The following FAM135B variants were observed in gnomAD, a reference collection of about 807,000 sequenced individuals.
FAM135B encodes protein FAM135B.
FAM135B carries 43 observed loss-of-function variants against 127.7 expected under a neutral mutation model. The ratio of observed to expected loss-of-function variants is 0.34; its 90% CI spans 0.26 to 0.43. The LOEUF (loss-of-function observed/expected upper bound fraction) is 0.43. Ranked by LOEUF, FAM135B falls within the 20% of genes least tolerant of loss-of-function variation. FAM135B has a pLI of 1.00. For missense variants in FAM135B, 1,558 were observed against 1,725.6 expected, an observed-to-expected ratio of 0.90 and a Z score of 1.72; for synonymous variants, 670 against 665.1, an observed-to-expected ratio of 1.01 and a Z score of -0.11.
At chr8:138,145,904 C>T in intron 15 of FAM135B, 55 bp downstream of exon 15, 2 of 899,428 alleles carry the variant, frequency 2.2e-6, no homozygotes, top group East Asian at 2.4e-5. Flanking sequence ...ATTTAGGAGG[C>T]TCATATAAGC....
chr8:138,368,147 T>G (rs921785959), intron 1 of FAM135B, 145 bp from the exon 2 acceptor site: 30 of 619,944 alleles, frequency 4.8e-5, no homozygotes, highest in Non-Finnish European at 6.6e-5. Flanking sequence ...AGGGTTCCTT[T>G]TATGGAAAAA....
chr8:138,142,097 T>C (rs2130610492), intron 16 of FAM135B, among the ~76,000 whole-genome samples: 1 of 152,186 alleles, frequency 6.6e-6, no homozygotes, highest in East Asian at 1.9e-4. Context: ...AAAGAAGTAA[T>C]ATTTTGTATA....
chr8:138,226,883 G>A (rs1044316716), intron 7 of FAM135B, among the ~76,000 whole-genome samples: 2 of 151,974 alleles, frequency 1.3e-5, no homozygotes, highest in Non-Finnish European at 2.9e-5. Flanking sequence ...TTTTAGTAGA[G>A]ATGAGGTTTC....
intron 3 of FAM135B, among the ~76,000 whole-genome samples, chr8:138,304,600 G>A (rs964290963): frequency 4.6e-5 from 7 of 152,160 alleles, no homozygotes; most frequent in Non-Finnish European, 1.0e-4. Flanking sequence ...GAAGGGGTAG[G>A]CATTCAAAGT....
At chr8:138,367,765 C>T in intron 2 of FAM135B, 142 bp downstream of exon 2, 2 of 662,116 alleles carry the variant, frequency 3.0e-6, no homozygotes, top group South Asian at 3.8e-5. Context: ...TTTGACTTGG[C>T]AAGAAAACAC....
At chr8:138,295,102 C>CTTTTTTT (rs527258472) in intron 3 of FAM135B, among the ~76,000 whole-genome samples, 16 of 82,218 alleles carry the variant, frequency 1.9e-4, no homozygotes, top group African/African-American at 7.4e-4. Context: ...CTTGCTGGTG[C>CTTTTTTT]TTTTTTTTTT....
At chr8:138,182,779 GCTCT>G (rs1216826665) in intron 9 of FAM135B, among the ~76,000 whole-genome samples, 2 of 152,176 alleles carry the variant, frequency 1.3e-5, no homozygotes, top group Non-Finnish European at 2.9e-5. Flanking sequence ...AACAAACCGC[GCTCT>G]CTCACTGGTC....
chr8:138,489,827 C>A (rs1815131962), intron 1 of FAM135B, among the ~76,000 whole-genome samples: 1 of 152,178 alleles, frequency 6.6e-6, no homozygotes, highest in African/African-American at 2.4e-5. Flanking sequence ...GACTCCTTAT[C>A]CCACGTTTAT....
chr8:138,314,460 G>A lies in FAM135B; in HGVS notation c.78-3540C>T, dbSNP rs1826921079. Among the ~76,000 whole-genome samples the A allele has an allele frequency of 2.6e-5, 4 of 152,094 alleles. No homozygotes were observed. In the Middle Eastern group the frequency reaches 0.01, roughly 388 times the overall value. On this transcript the variant is annotated intron_variant, in intron 2 of 19. Transcript: ENST00000395297. Reference sequence around the variant, plus strand: ...TAAAAACAAACACACCAATTAAAAAGTGGGCAAACGCAAGAAAAATTTCAC... The same window carrying A: ...TAAAAACAAACACACCAATTAAAAAATGGGCAAACGCAAGAAAAATTTCAC...
intron 3 of FAM135B, among the ~76,000 whole-genome samples, chr8:138,287,596 C>A (rs1824794770): frequency 6.6e-6 from 1 of 152,088 alleles, no homozygotes; most frequent in Non-Finnish European, 1.5e-5. Context: ...TTGGAAAAGT[C>A]CCCAAACAGT....
In FAM135B at chr8:138,148,862, G is replaced by A. The variant is rs552160425; in HGVS notation, c.3282-176C>T. ...GTGAGTGAAGCTTTGTTCTGAACAA[G>A]GAGGCAGGAAAGCACTCTATAAAAA... On this transcript the variant is annotated intron_variant, in intron 13 of 19. Transcript: ENST00000395297. The A allele has an allele frequency of 5.1e-4, 236 of 464,776 alleles. 1 individual carries two copies. In the Middle Eastern group the frequency reaches 6.3e-3, roughly 12 times the overall value. The allele number at this position is 464,776 out of a possible 1,614,324, so 28.8% of individuals were successfully genotyped here.
At chr8:138,294,695 T>A (rs150690634) in intron 3 of FAM135B, among the ~76,000 whole-genome samples, 141 of 152,310 alleles carry the variant, frequency 9.3e-4, no homozygotes, top group African/African-American at 3.0e-3. Flanking sequence ...TGAAAAATTA[T>A]CTCTGGGATC....
At chr8:138,183,818 T>C (rs1048171717) in intron 9 of FAM135B, among the ~76,000 whole-genome samples, 3 of 152,242 alleles carry the variant, frequency 2.0e-5, no homozygotes, top group Non-Finnish European at 4.4e-5. Flanking sequence ...TGATAATTAC[T>C]TTGGGATCTA....
intron 7 of FAM135B, among the ~76,000 whole-genome samples, chr8:138,237,411 T>C (rs1820386820): frequency 6.6e-6 from 1 of 152,134 alleles, no homozygotes; most frequent in Non-Finnish European, 1.5e-5. Context: ...TCTGCCCGCC[T>C]CGGCCTCCCA....
At chr8:138,215,377 T>C (rs950316786) in intron 7 of FAM135B, among the ~76,000 whole-genome samples, 3 of 152,366 alleles carry the variant, frequency 2.0e-5, no homozygotes, top group Non-Finnish European at 4.4e-5. Context: ...TATTATTCTA[T>C]TAATTGAAAG....
Position 138,130,466 on chromosome 8 carries a change from T to C in FAM135B, c.*2127A>G, listed in dbSNP as rs1281731787. 1 of 152,134 alleles carries C rather than the reference T, an allele frequency of 6.6e-6. No individual in the cohort carries two copies. Among genetic ancestry groups the C allele is most frequent in the Non-Finnish European group, 1.5e-5 (1 of 68,022 alleles). 9.4% of individuals were successfully genotyped at this position (152,134 alleles called of 1,614,324 possible). On this transcript the variant is annotated 3_prime_UTR_variant, in exon 20 of 20. Coordinates refer to ENST00000395297, the MANE Select transcript of FAM135B (RefSeq NM_015912.4). The stretch of plus-strand genomic sequence containing the variant: ...TAGTTCTCACTATGTCCAGACAGCA[T>C]ATTGAAGTTAAAAATGGCATCTGGT...
At chr8:138,221,692 A>G (rs1289125000) in intron 7 of FAM135B, among the ~76,000 whole-genome samples, 3 of 152,192 alleles carry the variant, frequency 2.0e-5, no homozygotes, top group Non-Finnish European at 4.4e-5. Context: ...TCAGAAGGAG[A>G]TTACCTCAGT....
At chr8:138,149,016 A>G (rs575564196) in intron 13 of FAM135B, among the ~76,000 whole-genome samples, 2 of 150,990 alleles carry the variant, frequency 1.3e-5, no homozygotes, top group South Asian at 4.2e-4. Context: ...GCATTAGGAG[A>G]TATACCTAAC....
chr8:138,373,010 T>C (rs1831242913), intron 1 of FAM135B, among the ~76,000 whole-genome samples: 1 of 152,176 alleles, frequency 6.6e-6, no homozygotes, highest in Admixed American at 6.5e-5. Flanking sequence ...GTCCACAAGG[T>C]TCTAAGATCC....
Sources: allele counts gnomAD v4.1 joint callset (sites outside exome capture counted in the v4.1 genomes callset), GRCh38; gene constraint gnomAD v4.1.1; transcripts MANE v1.5; gene names NCBI Gene and HGNC (gene_info 2026-07-23, HGNC 2026-07-21).